Variants in AKAP3 observed in about 807,000 individuals in gnomAD.
The protein encoded by AKAP3 is A-kinase anchoring protein 3, also known as A-kinase anchor protein 3.
Under a neutral mutation model 57.2 loss-of-function variants are expected in AKAP3, and 27 were observed. The ratio of observed to expected loss-of-function variants is 0.47; its 90% CI spans 0.35 to 0.65. The LOEUF (loss-of-function observed/expected upper bound fraction) is 0.65. AKAP3 is among the 30% of genes least tolerant of loss of function. AKAP3 has a pLI of 0.01. For missense variants in AKAP3, 959 were observed against 1,040.0 expected (o/e 0.92, Z 1.07); for synonymous variants, 334 against 392.3 (o/e 0.85, Z 1.76).
At chr12:4,648,102 G>C (rs1945720720) in intron 1 of AKAP3, 1 of 152,212 alleles carries the variant, frequency 6.6e-6, no homozygotes, top group Non-Finnish European at 1.5e-5. Context: ...AATCTGGAGA[G>C]GTTGACCAGA....
In AKAP3 at chr12:4,625,564, C is replaced by T. The variant is rs1945401742; in HGVS notation, c.2406+932G>A. Among the ~76,000 whole-genome samples, 1 of 152,108 alleles carries T rather than the reference C, an allele frequency of 6.6e-6. No individual in the cohort carries two copies. The highest frequency in any genetic ancestry group is 2.4e-5 in the African/African-American group (1 of 41,416). On this transcript the variant is annotated intron_variant, in intron 5 of 5. Coordinates refer to ENST00000228850, the MANE Select transcript of AKAP3 (RefSeq NM_001278309.2). This position sits in a 1 kb window ranked among gnomAD's most constrained non-coding sequence, Gnocchi z 5.4. The stretch of plus-strand genomic sequence containing the variant: ...CCTGTTTTTCCTTATCTTCTGATTC[C>T]TATGATGATGAAATTTTCTAAATAA...
In AKAP3 at chr12:4,625,664, ACAAT is replaced by A. The variant is rs1945402643; in HGVS notation, c.2406+828_2406+831del. ...GTCCACTTTTCTCAATCAAGAGGAG[ACAAT>A]CAAAAGCACTGAGGAAGAGAAAATG... On this transcript the variant is annotated intron_variant, in intron 5 of 5. Coordinates refer to ENST00000228850, the MANE Select transcript of AKAP3 (RefSeq NM_001278309.2). This position sits in a 1 kb window ranked among gnomAD's most constrained non-coding sequence, Gnocchi z 5.4. 1.3e-5 allele frequency among the ~76,000 whole-genome samples: 2 copies of A among 151,392 alleles called. No individual in the cohort carries two copies. Among genetic ancestry groups the A allele is most frequent in the Non-Finnish European group, 2.9e-5 (2 of 67,944 alleles).
Position 4,625,692 on chromosome 12 carries a change from T to TGA in AKAP3, c.2406+802_2406+803dup, listed in dbSNP as rs77632031. 0.035 allele frequency among the ~76,000 whole-genome samples: 5,049 copies of TGA among 146,088 alleles called. 180 individuals are homozygous for TGA. The highest frequency in any genetic ancestry group is 0.096 in the African/African-American group (3,840 of 39,870). On this transcript the variant is annotated intron_variant, in intron 5 of 5. Transcript: ENST00000228850. This position sits in a 1 kb window ranked among gnomAD's most constrained non-coding sequence, Gnocchi z 5.4. ...ATCAAAAGCACTGAGGAAGAGAAAATGAGAGAGAGAGAGAGAGAGAGAGAG... is the reference window on the plus strand; with the variant it reads ...ATCAAAAGCACTGAGGAAGAGAAAATGAGAGAGAGAGAGAGAGAGAGAGAGAG...
intron 2 of AKAP3, among the ~76,000 whole-genome samples, chr12:4,642,280 C>T (rs1054937758): frequency 3.9e-5 from 6 of 152,028 alleles, no homozygotes; most frequent in South Asian, 2.1e-4. Context: ...TTTTAAACAA[C>T]GAAGACCCTA....
At chr12:4,632,756 T>A (rs1945514190) in intron 4 of AKAP3, among the ~76,000 whole-genome samples, 1 of 152,122 alleles carries the variant, frequency 6.6e-6, no homozygotes, top group African/African-American at 2.4e-5. Context: ...TTCTCCAGCC[T>A]CAGCCTCCCG....
At chr12:4,648,573 C>CT (rs1327303467) in intron 1 of AKAP3, 172 bp downstream of exon 1, 1 of 152,380 alleles carries the variant, frequency 6.6e-6, no homozygotes, top group African/African-American at 2.4e-5. Context: ...GCAAGGGTCC[C>CT]TATGAGAGAA....
intron 4 of AKAP3, among the ~76,000 whole-genome samples, chr12:4,634,663 A>G (rs1362819825): frequency 6.6e-6 from 1 of 151,986 alleles, no homozygotes; most frequent in Non-Finnish European, 1.5e-5. Context: ...AACACTATCT[A>G]TTAAGATGCA....
intron 4 of AKAP3, among the ~76,000 whole-genome samples, chr12:4,630,406 G>A (rs1246035797): frequency 6.6e-6 from 1 of 152,158 alleles, no homozygotes; most frequent in African/African-American, 2.4e-5. Flanking sequence ...ATGCAATTCT[G>A]ATTCTAAAAT....
chr12:4,630,658 T>C (rs1024813190), intron 4 of AKAP3, among the ~76,000 whole-genome samples: 3 of 152,232 alleles, frequency 2.0e-5, no homozygotes, highest in African/African-American at 7.2e-5. Context: ...ATCTATAGCA[T>C]ACCCTTCCAC....
Position 4,632,395 on chromosome 12 carries a change from GT to G in AKAP3, c.97-3591del, listed in dbSNP as rs1320777297. 3.3e-5 allele frequency among the ~76,000 whole-genome samples: 5 copies of G among 151,998 alleles called. No individual in the cohort carries two copies. The East Asian group carries it at 5.8e-4, about 18-fold the overall frequency. On this transcript the variant is annotated intron_variant, in intron 4 of 5. Transcript: ENST00000228850. ...TCCCAATTATATACCCCTCACCCTA[GT>G]TTTTTTGTGATATAGAAAGAGTGTA...
chr12:4,621,096 A>C (rs1002744903), intron 5 of AKAP3, among the ~76,000 whole-genome samples: 1 of 152,160 alleles, frequency 6.6e-6, no homozygotes, highest in African/African-American at 2.4e-5. Context: ...GTGTGTTTGT[A>C]TCTTCATTTT....
intron 5 of AKAP3, among the ~76,000 whole-genome samples, chr12:4,620,494 A>AAG (rs1555126151): frequency 2.7e-4 from 41 of 151,320 alleles, no homozygotes; most frequent in African/African-American, 9.5e-4. Flanking sequence ...AAAAAAAAAA[A>AAG]AGAGAGATTG....
In AKAP3 at chr12:4,627,340, T is replaced by A. The variant is rs375695630; in HGVS notation, c.1562A>T (p.Asp521Val). The A allele has an allele frequency of 1.5e-4, 245 of 1,613,772 alleles. No homozygotes were observed. The highest frequency in any genetic ancestry group is 2.0e-4 in the Non-Finnish European group (239 of 1,179,998). Residue 521 changes from aspartate (D) to valine (V), a missense_variant, in exon 5 of 6, where the codon GAC (aspartate) becomes GTC (valine). Physicochemically the swap from Asp to Val is radical, Grantham distance 152 (BLOSUM62 -3). Coordinates refer to ENST00000228850, the MANE Select transcript of AKAP3 (RefSeq NM_001278309.2). Reference sequence around the variant, plus strand: ...CACGATCAGGTCCTCGGCCCAGGAGTCTGAATCATACATAAAATTCTCAGG... The same window carrying A: ...CACGATCAGGTCCTCGGCCCAGGAGACTGAATCATACATAAAATTCTCAGG... The part of the protein sequence containing the change: ...EKPENFMYDS[D>V]SWAEDLIVSA...
chr12:4,618,103 A>G (rs1945307089), intron 5 of AKAP3, among the ~76,000 whole-genome samples: 1 of 152,250 alleles, frequency 6.6e-6, no homozygotes, highest in Admixed American at 6.5e-5. Context: ...AAGAGAAGCA[A>G]CAAATAATAA....
rs112180716 is a variant in AKAP3, at chr12:4,643,896, G to C, written c.-107+1159C>G. ...AAAAACTCAGATTGCAGAAGCGAAAGCATAAGCAAAGTTCTTGCAGGGTTG... is the reference window on the plus strand; with the variant it reads ...AAAAACTCAGATTGCAGAAGCGAAACCATAAGCAAAGTTCTTGCAGGGTTG... On this transcript the variant is annotated intron_variant, in intron 2 of 5. Coordinates refer to ENST00000228850, the MANE Select transcript of AKAP3 (RefSeq NM_001278309.2). Among the ~76,000 whole-genome samples, 362 of 152,314 alleles carry C rather than the reference G, an allele frequency of 2.4e-3. 5 individuals carry two copies. The highest frequency in any genetic ancestry group is 7.8e-3 in the African/African-American group (326 of 41,574).
intron 2 of AKAP3, among the ~76,000 whole-genome samples, chr12:4,644,212 G>C (rs977105631): frequency 2.0e-5 from 3 of 152,072 alleles, no homozygotes; most frequent in African/African-American, 7.2e-5. Flanking sequence ...TCTTCTTCTA[G>C]TCCCTGTTAG....
intron 3 of AKAP3, among the ~76,000 whole-genome samples, chr12:4,640,704 G>GCTA (rs570962045): frequency 6.6e-6 from 1 of 152,190 alleles, no homozygotes; most frequent in Non-Finnish European, 1.5e-5. Flanking sequence ...AGATTACTGA[G>GCTA]CTAAGGAAGC....
In AKAP3 at chr12:4,625,139, T is replaced by C. The variant is rs976222186; in HGVS notation, c.2406+1357A>G. Among the ~76,000 whole-genome samples the C allele has an allele frequency of 9.2e-5, 14 of 152,182 alleles. No individual in the cohort carries two copies. The highest frequency in any genetic ancestry group is 5.9e-4 in the Admixed American group (9 of 15,270). On this transcript the variant is annotated intron_variant, in intron 5 of 5. Transcript: ENST00000228850. The surrounding 1 kb of genome is among the most constrained non-coding windows in gnomAD (Gnocchi z 5.4). Reference sequence around the variant, plus strand: ...TGTCTGTTTCACGGATTGGAAACCCTGCGTGGAGACAGAGCTTGCCAACGA... The same window carrying C: ...TGTCTGTTTCACGGATTGGAAACCCCGCGTGGAGACAGAGCTTGCCAACGA...
At chr12:4,646,545 G>A (rs1296104442) in intron 1 of AKAP3, among the ~76,000 whole-genome samples, 5 of 151,868 alleles carry the variant, frequency 3.3e-5, no homozygotes, top group African/African-American at 9.7e-5. Context: ...GGTGGTACAC[G>A]CTTGTAATGC....
Sources: allele counts gnomAD v4.1 joint callset (sites outside exome capture counted in the v4.1 genomes callset), GRCh38; gene constraint gnomAD v4.1.1; non-coding constraint Gnocchi (gnomAD v3.1); transcripts MANE v1.5; gene names NCBI Gene and HGNC (gene_info 2026-07-23, HGNC 2026-07-21).